PHF21A: variants seen among roughly 807,000 people sequenced by gnomAD.
The protein encoded by PHF21A is PHD finger protein 21A, also known as BHC80a.
PHF21A carries 11 observed loss-of-function variants against 82.5 expected under a neutral mutation model. The observed-to-expected ratio is 0.13, with a 90% CI of 0.08 to 0.22. The LOEUF (loss-of-function observed/expected upper bound fraction) is 0.22, where lower values mean the gene tolerates loss of function less well. Among genes scored for constraint, PHF21A ranks in the 10% least tolerant of loss-of-function variants. PHF21A has a pLI of 1.00. For synonymous variants in PHF21A, 297 were observed against 302.8 expected, an observed-to-expected ratio of 0.98 and a Z score of 0.20; for missense variants, 579 against 837.8, an observed-to-expected ratio of 0.69 and a Z score of 3.81.
intron 10 of PHF21A, among the ~76,000 whole-genome samples, chr11:45,962,097 T>A (rs2093123493): frequency 6.6e-6 from 1 of 152,216 alleles, no homozygotes; most frequent in African/African-American, 2.4e-5. Context: ...ACAGCCTCAG[T>A]GCCTGCTCCA....
chr11:46,016,405 T>C (rs1006273974), intron 6 of PHF21A, among the ~76,000 whole-genome samples: 76 of 152,340 alleles, frequency 5.0e-4, no homozygotes, highest in African/African-American at 1.8e-3. Flanking sequence ...CTCTGAATTA[T>C]CTGCTATTTC....
At chr11:45,963,417 T>G (rs1353801269) in intron 10 of PHF21A, among the ~76,000 whole-genome samples, 3 of 117,974 alleles carry the variant, frequency 2.5e-5, no homozygotes, top group African/African-American at 3.6e-5. Flanking sequence ...TAAAACTCTG[T>G]GTCAAAAAAA....
At chr11:46,076,540 T>G (rs1289664158) in intron 6 of PHF21A, among the ~76,000 whole-genome samples, 1 of 152,174 alleles carries the variant, frequency 6.6e-6, no homozygotes, top group South Asian at 2.1e-4. Flanking sequence ...TTTTAGGTAT[T>G]TGCCAGTAAC....
intron 14 of PHF21A, 22 bp downstream of exon 14, chr11:45,948,862 GGA>G (rs2091699554): frequency 1.9e-6 from 3 of 1,588,100 alleles, no homozygotes; most frequent in Non-Finnish European, 1.7e-6. Context: ...CAGCAGCAAG[GGA>G]GAGATACAAA....
At position 45,931,069 on chromosome 11, in the gene PHF21A, AC is replaced by A. The variant is rs2087622809; in HGVS notation, c.*2898del. 1 of 152,250 alleles carries A rather than the reference AC, an allele frequency of 6.6e-6. No individual in the cohort carries two copies. The highest frequency in any genetic ancestry group is 1.5e-5 in the Non-Finnish European group (1 of 68,102). 9.4% of individuals were successfully genotyped at this position (152,250 alleles called of 1,614,324 possible). The stretch of plus-strand genomic sequence containing the variant: ...TACTCCATACTAGCTGACTCCCAAA[AC>A]AGCTCACATCTGAATGTCAGGAAGA... On this transcript the variant is annotated 3_prime_UTR_variant, in exon 19 of 19. Coordinates refer to ENST00000676320, the MANE Select transcript of PHF21A (RefSeq NM_001352027.3).
intron 6 of PHF21A, among the ~76,000 whole-genome samples, chr11:46,061,994 T>C (rs189650353): frequency 1.3e-5 from 2 of 152,316 alleles, no homozygotes; most frequent in Non-Finnish European, 1.5e-5. Flanking sequence ...TCAGAATTTG[T>C]AAAGCATCAT....
rs550048688 is a variant in PHF21A, at chr11:45,933,890, G to A, written c.*78C>T. On this transcript the variant is annotated 3_prime_UTR_variant, in exon 19 of 19. Transcript: ENST00000676320. ...AGAATTCTGCACTTTCCAGAAATCC[G>A]GCTTTGCTTTTCTAGAGTCTTCAGT... The A allele has an allele frequency of 1.3e-5, 18 of 1,340,880 alleles. No individual in the cohort carries two copies. Among genetic ancestry groups the A allele is most frequent in the South Asian group, 1.0e-4 (6 of 59,690 alleles). The allele number at this position is 1,340,880 out of a possible 1,614,324, so 83.1% of individuals were successfully genotyped here.
intron 2 of PHF21A, 161 bp from the exon 3 acceptor site, chr11:46,090,727 T>A (rs917671098): frequency 7.9e-5 from 12 of 151,922 alleles, no homozygotes; most frequent in Admixed American, 3.9e-4. Flanking sequence ...ACATTTTTTT[T>A]AAATGTGGTA....
chr11:46,105,064 TA>T (rs1158640313), intron 1 of PHF21A, among the ~76,000 whole-genome samples: 1 of 152,204 alleles, frequency 6.6e-6, no homozygotes, highest in African/African-American at 2.4e-5. Context: ...TTAACTCACT[TA>T]TTCCTCATAA....
intron 1 of PHF21A, among the ~76,000 whole-genome samples, chr11:46,112,929 AG>A (rs2097236251): frequency 6.7e-6 from 1 of 149,344 alleles, no homozygotes; most frequent in Non-Finnish European, 1.5e-5. Context: ...TAAACCTTAT[AG>A]TAGCTGATAA....
intron 6 of PHF21A, among the ~76,000 whole-genome samples, chr11:46,036,470 A>C (rs892394338): frequency 2.0e-5 from 3 of 152,216 alleles, no homozygotes; most frequent in South Asian, 2.1e-4. Context: ...TGGAATTTTG[A>C]AGAGAATTAT....
intron 6 of PHF21A, among the ~76,000 whole-genome samples, chr11:46,053,909 A>G (rs549045069): frequency 6.6e-5 from 10 of 152,272 alleles, no homozygotes; most frequent in African/African-American, 2.2e-4. Context: ...AACCCCTCCA[A>G]TGAGATTCCA....
chr11:46,008,381 A>C (rs1280471851), intron 6 of PHF21A, among the ~76,000 whole-genome samples: 1 of 152,196 alleles, frequency 6.6e-6, no homozygotes, highest in African/African-American at 2.4e-5. Flanking sequence ...CTGGGTTCTG[A>C]AAAGATGAGC....
intron 6 of PHF21A, among the ~76,000 whole-genome samples, chr11:46,049,908 T>C (rs1343232615): frequency 6.6e-6 from 1 of 152,226 alleles, no homozygotes; most frequent in African/African-American, 2.4e-5. Flanking sequence ...GATTAAGTAC[T>C]AAAAAATGTG....
intron 6 of PHF21A, among the ~76,000 whole-genome samples, chr11:46,008,923 C>A (rs989860232): frequency 6.6e-6 from 1 of 151,122 alleles, no homozygotes; most frequent in Non-Finnish European, 1.5e-5. Context: ...TTCAATCAGA[C>A]TGGACTCTTC....
rs919429633 is a variant in PHF21A at position 45,930,246 on chromosome 11, C to T, written c.*3722G>A. The T allele has an allele frequency of 2.6e-5, 4 of 152,250 alleles. No individual in the cohort carries two copies. The highest frequency in any genetic ancestry group is 1.9e-4 in the East Asian group (1 of 5,186). 9.4% of individuals were successfully genotyped at this position (152,250 alleles called of 1,614,324 possible). On this transcript the variant is annotated 3_prime_UTR_variant, in exon 19 of 19. Coordinates refer to ENST00000676320, the MANE Select transcript of PHF21A (RefSeq NM_001352027.3). Reference sequence around the variant, plus strand: ...GGAGAGGCAGCCGTGCATGCGGAGACGGAAGCGTGCTGCAGACACGGTCAC... The same window carrying T: ...GGAGAGGCAGCCGTGCATGCGGAGATGGAAGCGTGCTGCAGACACGGTCAC...
intron 1 of PHF21A, among the ~76,000 whole-genome samples, chr11:46,097,655 G>C (rs2097020392): frequency 6.6e-6 from 1 of 151,864 alleles, no homozygotes; most frequent in African/African-American, 2.4e-5. Flanking sequence ...CACACACTAG[G>C]GTCCAGATAA....
intron 6 of PHF21A, among the ~76,000 whole-genome samples, chr11:46,029,149 C>A (rs78990218): frequency 6.6e-6 from 1 of 152,220 alleles, no homozygotes; most frequent in African/African-American, 2.4e-5. Context: ...AAGAAGTCAA[C>A]GATAACTTCT....
Position 45,933,939 on chromosome 11 carries a change from A to G in PHF21A, c.*29T>C. On this transcript the variant is annotated 3_prime_UTR_variant, in exon 19 of 19. Transcript: ENST00000676320. Reference sequence around the variant, plus strand: ...GTGTTCTGTTCTCCTTGCCGCCGGGATCCCGTGGCTTCTCCTAGAGGGGCT... The same window carrying G: ...GTGTTCTGTTCTCCTTGCCGCCGGGGTCCCGTGGCTTCTCCTAGAGGGGCT... 1 of 1,485,800 alleles carries G rather than the reference A, an allele frequency of 6.7e-7. No individual in the cohort carries two copies. The highest frequency in any genetic ancestry group is 9.0e-7 in the Non-Finnish European group (1 of 1,116,886). The allele number at this position is 1,485,800 out of a possible 1,614,324, so 92.0% of individuals were successfully genotyped here.
Sources: allele counts gnomAD v4.1 joint callset (sites outside exome capture counted in the v4.1 genomes callset), GRCh38; gene constraint gnomAD v4.1.1; transcripts MANE v1.5; gene names NCBI Gene and HGNC (gene_info 2026-07-23, HGNC 2026-07-21).